PPP2R2B: variants seen among roughly 807,000 people sequenced by gnomAD.
The protein encoded by PPP2R2B is protein phosphatase 2 regulatory subunit Bbeta.
PPP2R2B carries 5 observed loss-of-function variants against 46.0 expected under a neutral mutation model. That is an observed-to-expected ratio of 0.11 (90% CI 0.06 to 0.23). PPP2R2B has a LOEUF of 0.23. PPP2R2B is among the 10% of genes least tolerant of loss of function. PPP2R2B has a pLI of 1.00. For missense variants in PPP2R2B, 367 were observed against 575.0 expected (o/e 0.64, Z 3.70); for synonymous variants, 215 against 206.7 (o/e 1.04, Z -0.34).
intron 1 of PPP2R2B, among the ~76,000 whole-genome samples, chr5:146,969,981 A>G (rs1366313432): frequency 6.6e-6 from 1 of 152,202 alleles, no homozygotes; most frequent in Non-Finnish European, 1.5e-5. Context: ...TTTTGAATAC[A>G]TAGATGCTAA....
chr5:146,953,640 A>G (rs1751732541), intron 1 of PPP2R2B, among the ~76,000 whole-genome samples: 1 of 152,194 alleles, frequency 6.6e-6, no homozygotes, highest in Admixed American at 6.6e-5. Context: ...GAAGAAGTTA[A>G]TATGGCAAAA....
At chr5:146,783,256 C>T (rs890997255) in intron 2 of PPP2R2B, among the ~76,000 whole-genome samples, 1 of 152,050 alleles carries the variant, frequency 6.6e-6, no homozygotes, top group African/African-American at 2.4e-5. Flanking sequence ...TAATTTATGG[C>T]CCAGGTTACA....
intron 1 of PPP2R2B, among the ~76,000 whole-genome samples, chr5:146,903,987 A>G (rs1762921845): frequency 6.6e-6 from 1 of 152,114 alleles, no homozygotes; most frequent in African/African-American, 2.4e-5. Flanking sequence ...TCTTCTAAAC[A>G]TGCTCCGGGG....
rs565080347 is a variant in PPP2R2B at position 146,677,487 on chromosome 5, T to C, written c.447+13641A>G. Among the ~76,000 whole-genome samples the C allele has an allele frequency of 6.1e-4, 93 of 152,140 alleles. 1 individual carries two copies. The highest frequency in any genetic ancestry group is 2.2e-3 in the African/African-American group (90 of 41,486). On this transcript the variant is annotated intron_variant, in intron 5 of 9. Coordinates refer to ENST00000394411, the MANE Select transcript of PPP2R2B (RefSeq NM_181675.4). ...TTTATTTTTCACATTAATGGTATCA[T>C]GCTATGATCTTATACTTTTTAAAAA...
At chr5:146,672,837 T>A in intron 5 of PPP2R2B, among the ~76,000 whole-genome samples, 1 of 152,254 alleles carries the variant, frequency 6.6e-6, no homozygotes, top group East Asian at 1.9e-4. Flanking sequence ...GAGAACTCTC[T>A]AGTTTAAAAT....
At chr5:147,007,877 T>G (rs760820411) in intron 1 of PPP2R2B, among the ~76,000 whole-genome samples, 1 of 152,120 alleles carries the variant, frequency 6.6e-6, no homozygotes, top group African/African-American at 2.4e-5. Context: ...CTTTAAGAAC[T>G]GTAACACTCA....
At chr5:146,996,509 G>A (rs1462898816) in intron 1 of PPP2R2B, among the ~76,000 whole-genome samples, 1 of 152,148 alleles carries the variant, frequency 6.6e-6, no homozygotes, top group African/African-American at 2.4e-5. Context: ...TTGTTACCCT[G>A]TTGGCACTAG....
chr5:146,658,601 G>A (rs1776490136), intron 5 of PPP2R2B, among the ~76,000 whole-genome samples: 1 of 152,116 alleles, frequency 6.6e-6, no homozygotes, highest in Non-Finnish European at 1.5e-5. Context: ...AAGTTTTAAG[G>A]AAATTCATTT....
At chr5:146,642,421 G>T (rs1581776377) in intron 6 of PPP2R2B, among the ~76,000 whole-genome samples, 1 of 152,224 alleles carries the variant, frequency 6.6e-6, no homozygotes, top group East Asian at 1.9e-4. Flanking sequence ...TTTAGAAAAA[G>T]CTTTTTATGA....
chr5:146,693,165 C>T (rs1778975636), intron 4 of PPP2R2B, among the ~76,000 whole-genome samples: 2 of 151,174 alleles, frequency 1.3e-5, no homozygotes, highest in African/African-American at 2.4e-5. Flanking sequence ...TCTTTCTTTC[C>T]TTCCTTCCCT....
intron 1 of PPP2R2B, among the ~76,000 whole-genome samples, chr5:146,899,989 T>C (rs888161686): frequency 5.9e-5 from 9 of 152,136 alleles, no homozygotes; most frequent in African/African-American, 2.2e-4. Flanking sequence ...TCTTCAACAT[T>C]GGTCCCTAAA....
intron 2 of PPP2R2B, among the ~76,000 whole-genome samples, chr5:146,738,918 A>AT (rs765963515): frequency 9.2e-5 from 14 of 152,218 alleles, no homozygotes; most frequent in Non-Finnish European, 1.5e-4. Flanking sequence ...AGTCCCTGCC[A>AT]TTGAGGATAT....
At chr5:147,075,929 G>A (rs1474058041) in intron 2 of PPP2R2B, among the ~76,000 whole-genome samples, 1 of 115,412 alleles carries the variant, frequency 8.7e-6, no homozygotes. Flanking sequence ...ATGTCTATGT[G>A]TTATGTTGTT....
At chr5:146,720,541 C>CGAACACT (rs1335871057) in intron 2 of PPP2R2B, among the ~76,000 whole-genome samples, 1 of 152,102 alleles carries the variant, frequency 6.6e-6, no homozygotes, top group Non-Finnish European at 1.5e-5. Flanking sequence ...GGGAAGATGT[C>CGAACACT]GAACACTGTT....
intron 2 of PPP2R2B, among the ~76,000 whole-genome samples, chr5:146,822,710 A>C (rs1316568700): frequency 1.3e-5 from 2 of 152,156 alleles, no homozygotes; most frequent in Non-Finnish European, 1.5e-5. Context: ...GATTATTATT[A>C]GAAAAGAGAG....
intron 6 of PPP2R2B, among the ~76,000 whole-genome samples, chr5:146,644,545 G>A (rs1021798630): frequency 3.9e-5 from 6 of 152,140 alleles, no homozygotes; most frequent in South Asian, 2.1e-4. Flanking sequence ...AGAGAGCTGC[G>A]AGACCAGGAA....
chr5:146,671,377 G>C (rs1243545360), intron 5 of PPP2R2B, among the ~76,000 whole-genome samples: 1 of 152,184 alleles, frequency 6.6e-6, no homozygotes, highest in Non-Finnish European at 1.5e-5. Flanking sequence ...ACCGCTAAAT[G>C]GTGGGTTTGA....
chr5:146,669,348 C>T (rs455966), intron 5 of PPP2R2B, among the ~76,000 whole-genome samples: 116,273 of 152,032 alleles, frequency 0.76, 45,887 homozygotes, highest in Non-Finnish European at 0.86. Flanking sequence ...GCTCTTTCTT[C>T]AGACCAATGG....
chr5:147,014,509 G>T (rs911341268), intron 1 of PPP2R2B, among the ~76,000 whole-genome samples: 6 of 152,016 alleles, frequency 3.9e-5, no homozygotes, highest in Admixed American at 3.3e-4. Context: ...ATGATAGACT[G>T]GATTAAGAAA....
Sources: gnomAD v4.1 joint callset for allele counts (sites outside exome capture counted in the v4.1 genomes callset) on GRCh38, gnomAD v4.1.1 for gene constraint, MANE v1.5 for transcripts, NCBI Gene and HGNC (gene_info 2026-07-23, HGNC 2026-07-21) for gene names.